Variants in SULT1C2 observed in about 807,000 individuals in gnomAD.
The protein encoded by SULT1C2 is sulfotransferase family 1C member 2.
A neutral mutation model predicts 36.0 loss-of-function variants in SULT1C2; 27 were observed. The ratio of observed to expected loss-of-function variants is 0.75; its 90% CI spans 0.55 to 1.03. The LOEUF is 1.03. Ranked by LOEUF, SULT1C2 falls within the 50% of genes least tolerant of loss-of-function variation. The pLI is 0.00. For synonymous variants in SULT1C2, 121 were observed against 116.0 expected (o/e 1.04, Z -0.27); for missense variants, 395 against 359.2 (o/e 1.10, Z -0.80).
At chr2:108,293,616 T>G in intron 1 of SULT1C2, 31 bp from the exon 2 acceptor site, 3 of 1,546,232 alleles carry the variant, frequency 1.9e-6, no homozygotes, top group Non-Finnish European at 2.6e-6. Flanking sequence ...CCACAACTTC[T>G]TTAAAAATCT....
chr2:108,292,017 C>G (rs1676605423), intron 1 of SULT1C2, among the ~76,000 whole-genome samples: 1 of 152,164 alleles, frequency 6.6e-6, no homozygotes, highest in African/African-American at 2.4e-5. Context: ...CAGAAGCCAC[C>G]ATGAAAACTG....
At chr2:108,298,205 T>C (rs556177995) in intron 3 of SULT1C2, among the ~76,000 whole-genome samples, 14 of 152,336 alleles carry the variant, frequency 9.2e-5, no homozygotes, top group Non-Finnish European at 1.9e-4. Flanking sequence ...CATCTCCGTT[T>C]CTCTACATTG....
chr2:108,299,888 CAGTCTT>C (rs1007859099), intron 3 of SULT1C2: 65 of 152,308 alleles, frequency 4.3e-4, no homozygotes, highest in African/African-American at 1.5e-3. Context: ...GAACATTACT[CAGTCTT>C]AAAGAGGAAG....
At chr2:108,293,882 T>TA in intron 2 of SULT1C2, 64 bp downstream of exon 2, 2 of 1,566,342 alleles carry the variant, frequency 1.3e-6, no homozygotes, top group South Asian at 2.4e-5. Flanking sequence ...TCACTTAAGT[T>TA]AGAATTCCCC....
intron 4 of SULT1C2, 32 bp downstream of exon 4, chr2:108,300,967 G>A (rs755470821): frequency 6.2e-6 from 10 of 1,612,106 alleles, no homozygotes; most frequent in Non-Finnish European, 8.5e-6. Flanking sequence ...GTGACAGAAG[G>A]GAAAGTAAGC....
chr2:108,301,148 T>C, intron 4 of SULT1C2: 1 of 604,806 alleles, frequency 1.7e-6, no homozygotes, highest in Non-Finnish European at 2.8e-6. Context: ...GATTGAATGT[T>C]TGGAGGGAAC....
chr2:108,293,889 C>T (rs1676658245), intron 2 of SULT1C2, 71 bp downstream of exon 2: 1 of 1,554,910 alleles, frequency 6.4e-7, no homozygotes, highest in Admixed American at 1.9e-5. Context: ...AGTTAGAATT[C>T]CCCTTCTTAG....
At chr2:108,295,449 G>A (rs1016697335) in intron 3 of SULT1C2, among the ~76,000 whole-genome samples, 2 of 152,168 alleles carry the variant, frequency 1.3e-5, no homozygotes, top group African/African-American at 4.8e-5. Flanking sequence ...TTTTGTGTGT[G>A]TCTGGTCTTC....
intron 7 of SULT1C2, among the ~76,000 whole-genome samples, chr2:108,306,111 C>T (rs1677019015): frequency 6.6e-6 from 1 of 152,192 alleles, no homozygotes; most frequent in Non-Finnish European, 1.5e-5. Flanking sequence ...GACTCAGTTT[C>T]TGCTCATAAC....
Position 108,305,226 on chromosome 2 carries a change from G to T in SULT1C2, c.557G>T (p.Arg186Ile). Reference sequence around the variant, plus strand: ...AAAGGATGGTGGGAGATGAAAGACAGACACCAGATTCTCTTCCTCTTCTAT... The same window carrying T: ...AAAGGATGGTGGGAGATGAAAGACATACACCAGATTCTCTTCCTCTTCTAT... ...HVKGWWEMKDRHQILFLFYED... is the reference protein window; with the variant it reads ...HVKGWWEMKDIHQILFLFYED... Residue 186 changes from arginine (R) to isoleucine (I), a missense_variant, in exon 6 of 8, where the codon AGA becomes ATA. Coordinates refer to ENST00000251481, the MANE Select transcript of SULT1C2 (RefSeq NM_001056.4). 6.2e-7 allele frequency: 1 copy of T among 1,614,224 alleles called. No individual in the cohort carries two copies.
rs3731681 is a variant in SULT1C2, at chr2:108,308,711, G to A, written c.*247G>A. On this transcript the variant is annotated 3_prime_UTR_variant, in exon 8 of 8. Coordinates refer to ENST00000251481, the MANE Select transcript of SULT1C2 (RefSeq NM_001056.4). ...GGTAGCTTAATAAACTAAGTAAAAC[G>A]TATGACTTGAGTACAAAAGGATTGT... The A allele has an allele frequency of 7.8e-5, 32 of 412,174 alleles. No homozygotes were observed. The East Asian group carries it at 1.2e-3, about 15-fold the overall frequency. The allele number at this position is 412,174 out of a possible 1,614,324, so 25.5% of individuals were successfully genotyped here. A position where few individuals can be genotyped will look rare whatever the true frequency, so the allele number is the denominator to read the frequency against.
chr2:108,308,489 G>T lies in SULT1C2; in HGVS notation c.*25G>T. 6.3e-7 allele frequency: 1 copy of T among 1,578,498 alleles called. No homozygotes were observed. ...AGCAAGATGTAAATAAAATTAAAAG[G>T]TGGATGGCAAGAGTGCAAATACTAT... On this transcript the variant is annotated 3_prime_UTR_variant, in exon 8 of 8. Coordinates refer to ENST00000251481, the MANE Select transcript of SULT1C2 (RefSeq NM_001056.4).
In SULT1C2 at chr2:108,309,722, CAG is replaced by C. The variant is rs567982919; in HGVS notation, c.*1259_*1260del. The C allele has an allele frequency of 3.5e-4, 51 of 146,834 alleles. 2 individuals are homozygous for C. The highest frequency in any genetic ancestry group is 1.3e-3 in the African/African-American group (50 of 39,482). The allele number at this position is 146,834 out of a possible 1,614,324, so 9.1% of individuals were successfully genotyped here. A position where few individuals can be genotyped will look rare whatever the true frequency, so the allele number is the denominator to read the frequency against. ...ATGCACTGGCAATTCCAAACAATGT[CAG>C]TGTTAAAATGCTTCTCCCTGAAAAA... On this transcript the variant is annotated 3_prime_UTR_variant, in exon 8 of 8. Coordinates refer to ENST00000251481, the MANE Select transcript of SULT1C2 (RefSeq NM_001056.4).
Position 108,300,703 on chromosome 2 carries a change from T to C in SULT1C2, c.278-135T>C, listed in dbSNP as rs534648063. The C allele has an allele frequency of 5.5e-5, 77 of 1,395,674 alleles. 1 individual carries two copies. In the South Asian group the frequency reaches 1.1e-3, roughly 20 times the overall value. 86.5% of individuals were successfully genotyped at this position (1,395,674 alleles called of 1,614,324 possible). A position where few individuals can be genotyped will look rare whatever the true frequency, so the allele number is the denominator to read the frequency against. On this transcript the variant is annotated intron_variant, in intron 3 of 7. Transcript: ENST00000251481. ...GAAAATTATATTAATAATCCCATTGTAAAATCCCAAAAGAAAGTCAAGAGA... is the reference window on the plus strand; with the variant it reads ...GAAAATTATATTAATAATCCCATTGCAAAATCCCAAAAGAAAGTCAAGAGA...
At chr2:108,289,674 GAAATGTATGT>G (rs930978177) in intron 1 of SULT1C2, among the ~76,000 whole-genome samples, 2 of 152,202 alleles carry the variant, frequency 1.3e-5, no homozygotes, top group African/African-American at 4.8e-5. Flanking sequence ...TGCTCAAGGG[GAAATGTATGT>G]GTCTACATGC....
intron 1 of SULT1C2, among the ~76,000 whole-genome samples, chr2:108,293,224 T>C (rs1343001692): frequency 1.4e-5 from 2 of 139,930 alleles, no homozygotes; most frequent in Non-Finnish European, 3.1e-5. Flanking sequence ...ATATCTACAG[T>C]GAACTAGGGA....
intron 1 of SULT1C2, 148 bp from the exon 2 acceptor site, chr2:108,293,499 G>T: frequency 7.1e-6 from 5 of 700,086 alleles, no homozygotes; most frequent in Non-Finnish European, 8.2e-6. Flanking sequence ...AAAAATTCTA[G>T]AAAAGATGGT....
chr2:108,295,754 G>C (rs1676709470), intron 3 of SULT1C2, among the ~76,000 whole-genome samples: 1 of 152,166 alleles, frequency 6.6e-6, no homozygotes, highest in Non-Finnish European at 1.5e-5. Context: ...CACTTCTCCA[G>C]GCCCCATGAC....
intron 1 of SULT1C2, among the ~76,000 whole-genome samples, chr2:108,289,616 G>A (rs906926560): frequency 5.9e-5 from 9 of 152,202 alleles, no homozygotes; most frequent in Non-Finnish European, 1.5e-5. Flanking sequence ...CCTCCACAAA[G>A]GAGGCCATAG....
Sources: allele counts gnomAD v4.1 joint callset (sites outside exome capture counted in the v4.1 genomes callset), GRCh38; gene constraint gnomAD v4.1.1; transcripts MANE v1.5; gene names NCBI Gene and HGNC (gene_info 2026-07-23, HGNC 2026-07-21).